Variants in BICD1 observed in about 807,000 individuals in gnomAD.
BICD1 encodes the protein protein bicaudal D homolog 1.
In BICD1, 35 loss-of-function variants were observed where a neutral mutation model predicts 92.5. That is an observed-to-expected ratio of 0.38 (90% CI 0.29 to 0.50). The LOEUF (loss-of-function observed/expected upper bound fraction) is 0.50. Among genes scored for constraint, BICD1 ranks in the 20% least tolerant of loss-of-function variants. The pLI, the probability that BICD1 is intolerant of heterozygous loss-of-function variation, is 0.93. For missense variants in BICD1, 950 were observed against 1,189.8 expected (o/e 0.80, Z 2.97); for synonymous variants, 429 against 465.1 (o/e 0.92, Z 1.00).
intron 8 of BICD1, among the ~76,000 whole-genome samples, chr12:32,346,558 A>ATATATATATATACGTGTG (rs1938589091): frequency 4.5e-5 from 1 of 22,094 alleles, no homozygotes; most frequent in Non-Finnish European, 7.2e-5. Context: ...ATATATATAT[A>ATATATATATATACGTGTG]TATATATATA....
At chr12:32,369,100 T>C (rs1939632855) in intron 9 of BICD1, among the ~76,000 whole-genome samples, 1 of 152,232 alleles carries the variant, frequency 6.6e-6, no homozygotes, top group South Asian at 2.1e-4. Context: ...ACTTGAAAAA[T>C]TGTTAAAACA....
chr12:32,194,427 T>C (rs1186173330), intron 1 of BICD1, among the ~76,000 whole-genome samples: 1 of 152,224 alleles, frequency 6.6e-6, no homozygotes, highest in Non-Finnish European at 1.5e-5. Flanking sequence ...GCAGATGTCA[T>C]GATCTTATAT....
intron 1 of BICD1, among the ~76,000 whole-genome samples, chr12:32,208,965 G>C (rs1945138322): frequency 6.6e-6 from 1 of 152,044 alleles, no homozygotes; most frequent in South Asian, 2.1e-4. Flanking sequence ...CTTCAGAGTA[G>C]CTGGGATTAC....
intron 8 of BICD1, among the ~76,000 whole-genome samples, chr12:32,366,659 A>T (rs897562956): frequency 6.6e-6 from 1 of 152,242 alleles, no homozygotes; most frequent in Non-Finnish European, 1.5e-5. Context: ...ATAAACAAAC[A>T]AACAAACACA....
chr12:32,325,684 G>T (rs1192252579), intron 4 of BICD1, among the ~76,000 whole-genome samples: 4 of 152,024 alleles, frequency 2.6e-5, no homozygotes, highest in Admixed American at 6.5e-5. Flanking sequence ...CATACTTAAT[G>T]ATTAATATTT....
intron 1 of BICD1, among the ~76,000 whole-genome samples, chr12:32,195,090 CAAA>C (rs3043308): frequency 8.5e-6 from 1 of 117,426 alleles, no homozygotes. Flanking sequence ...AGAGTGAGAC[CAAA>C]AAAAAAAAAA....
At position 32,337,753 on chromosome 12, in the gene BICD1, T is replaced by G; in HGVS notation, c.2507T>G (p.Leu836Arg). Residue 836 changes from leucine (L) to arginine (R), a missense_variant, in exon 7 of 10, where the codon CTC becomes CGC. By Grantham distance (102) the Leu-to-Arg change is moderately radical. Transcript: ENST00000652176. The surrounding 1 kb of genome is among the most constrained non-coding windows in gnomAD (Gnocchi z 4.7). ...ACCGTGCCCACCATAGACACTTACC[T>G]CCTGCATAGTCAGGGCCCACAGACA... ...SVTVPTIDTY[L>R]LHSQGPQTPN... 6.2e-7 allele frequency: 1 copy of G among 1,614,130 alleles called. No individual in the cohort carries two copies. Among genetic ancestry groups the G allele is most frequent in the Non-Finnish European group, 8.5e-7 (1 of 1,180,030 alleles).
At chr12:32,294,620 T>TA (rs60052535) in intron 3 of BICD1, among the ~76,000 whole-genome samples, 2,403 of 65,200 alleles carry the variant, frequency 0.037, 44 homozygotes, top group Non-Finnish European at 0.044. Flanking sequence ...GACTCCGTCT[T>TA]AAAAAAAAAA....
chr12:32,134,254 G>A (rs1360517922), intron 1 of BICD1, among the ~76,000 whole-genome samples: 2 of 152,158 alleles, frequency 1.3e-5, no homozygotes, highest in Non-Finnish European at 2.9e-5. Flanking sequence ...ATGGAACTTG[G>A]TAAGCCTTTG....
At chr12:32,240,923 A>G (rs1946218739) in intron 2 of BICD1, among the ~76,000 whole-genome samples, 1 of 152,208 alleles carries the variant, frequency 6.6e-6, no homozygotes, top group Non-Finnish European at 1.5e-5. Flanking sequence ...AGAAGAGTAG[A>G]GTTGATGATG....
intron 1 of BICD1, chr12:32,108,335 A>G (rs1941567584): frequency 4.4e-6 from 1 of 228,050 alleles, no homozygotes; most frequent in Non-Finnish European, 8.6e-6. Context: ...GTGATGTATA[A>G]TGTCTCTTTA....
chr12:32,189,651 C>T (rs755231342), intron 1 of BICD1, among the ~76,000 whole-genome samples: 5 of 150,808 alleles, frequency 3.3e-5, no homozygotes, highest in Non-Finnish European at 7.4e-5. Flanking sequence ...TAAAGTGTGA[C>T]ATCAACACCA....
chr12:32,238,725 ACC>A (rs1195018947), intron 2 of BICD1, among the ~76,000 whole-genome samples: 2 of 151,340 alleles, frequency 1.3e-5, no homozygotes, highest in African/African-American at 4.9e-5. Context: ...TGGGCAGATC[ACC>A]TAAGGTCAGG....
At chr12:32,127,967 G>A (rs1319347026) in intron 1 of BICD1, among the ~76,000 whole-genome samples, 1 of 150,832 alleles carries the variant, frequency 6.6e-6, no homozygotes, top group Non-Finnish European at 1.5e-5. Flanking sequence ...GCAGTGGCGC[G>A]ATCTCAGTTC....
intron 1 of BICD1, among the ~76,000 whole-genome samples, chr12:32,139,755 G>T (rs1168405264): frequency 5.9e-5 from 9 of 152,188 alleles, no homozygotes; most frequent in Admixed American, 5.9e-4. Flanking sequence ...GTAAAGACGG[G>T]GTTTCACCAT....
intron 8 of BICD1, among the ~76,000 whole-genome samples, chr12:32,352,098 A>G (rs879757564): frequency 7.8e-4 from 118 of 151,992 alleles, no homozygotes; most frequent in Non-Finnish European, 1.0e-3. Flanking sequence ...CCAGCTACTC[A>G]GGAGGCTGAG....
chr12:32,242,859 A>G (rs1946273444), intron 2 of BICD1, among the ~76,000 whole-genome samples: 1 of 152,176 alleles, frequency 6.6e-6, no homozygotes, highest in African/African-American at 2.4e-5. Flanking sequence ...AACACTGGCT[A>G]TGCACATGTT....
chr12:32,321,726 C>T (rs1420598489), intron 4 of BICD1, among the ~76,000 whole-genome samples: 5 of 152,184 alleles, frequency 3.3e-5, no homozygotes, highest in Non-Finnish European at 5.9e-5. Flanking sequence ...AGGCCAGGCC[C>T]GGTGGCTCAC....
intron 2 of BICD1, among the ~76,000 whole-genome samples, chr12:32,245,114 T>C (rs1237944128): frequency 1.3e-5 from 2 of 152,176 alleles, no homozygotes; most frequent in African/African-American, 4.8e-5. Context: ...GGGATAAAAA[T>C]AATAGTAAAC....
Sources: gnomAD v4.1 joint callset for allele counts (sites outside exome capture counted in the v4.1 genomes callset) on GRCh38, gnomAD v4.1.1 for gene constraint, Gnocchi (gnomAD v3.1) non-coding constraint, MANE v1.5 for transcripts, NCBI Gene and HGNC (gene_info 2026-07-23, HGNC 2026-07-21) for gene names.